ARMC6: variants seen among roughly 807,000 people sequenced by gnomAD.
ARMC6 encodes armadillo repeat-containing protein 6.
Under a neutral mutation model 49.2 loss-of-function variants are expected in ARMC6, and 43 were observed. The ratio of observed to expected loss-of-function variants is 0.87; its 90% CI spans 0.69 to 1.13. The LOEUF (loss-of-function observed/expected upper bound fraction) is 1.13. Among genes scored for constraint, ARMC6 ranks in the 50% most tolerant of loss-of-function variants. ARMC6 has a pLI of 0.00. For missense variants in ARMC6, 627 were observed against 682.0 expected (o/e 0.92, Z 0.90); for synonymous variants, 262 against 289.6 (o/e 0.90, Z 0.97).
In ARMC6 at chr19:19,055,989, G is replaced by C. The variant is rs1167543344; in HGVS notation, c.1293+61G>C. On this transcript the variant is annotated intron_variant, in intron 8 of 8. Transcript: ENST00000535612. This position sits in a 1 kb window ranked among gnomAD's most constrained non-coding sequence, Gnocchi z 5.7. ...TGTGGGATGTGCAGGTAGGTGCAGAGAGGGCATGGGAGCAGGTGCGGTGTG... is the reference window on the plus strand; with the variant it reads ...TGTGGGATGTGCAGGTAGGTGCAGACAGGGCATGGGAGCAGGTGCGGTGTG... 1.3e-6 allele frequency: 2 copies of C among 1,541,938 alleles called. No individual in the cohort carries two copies. Among genetic ancestry groups the C allele is most frequent in the Non-Finnish European group, 1.7e-6 (2 of 1,144,686 alleles).
chr19:19,047,533 G>C (rs996723310), intron 4 of ARMC6, among the ~76,000 whole-genome samples: 2 of 152,172 alleles, frequency 1.3e-5, no homozygotes, highest in East Asian at 3.9e-4. Flanking sequence ...TAGAATGAAA[G>C]GCATTAGTCA....
At position 19,042,701 on chromosome 19, in the gene ARMC6, A is replaced by G. The variant is rs747163368; in HGVS notation, c.30-10A>G. Reference sequence around the variant, plus strand: ...CTTGAGGTAGCTCTCTCTTTGCCCTAACCTCTCAGCTCAGGAGCATCTATC... The same window carrying G: ...CTTGAGGTAGCTCTCTCTTTGCCCTGACCTCTCAGCTCAGGAGCATCTATC... On this transcript the variant is annotated splice_polypyrimidine_tract_variant and intron_variant, in intron 2 of 8. Coordinates refer to ENST00000535612, the MANE Select transcript of ARMC6 (RefSeq NM_001199196.2). The G allele has an allele frequency of 6.2e-7, 1 of 1,611,762 alleles. No individual in the cohort carries two copies. The highest frequency in any genetic ancestry group is 8.5e-7 in the Non-Finnish European group (1 of 1,179,976).
chr19:19,050,414 G>C (rs190598995), intron 4 of ARMC6, among the ~76,000 whole-genome samples: 2 of 152,156 alleles, frequency 1.3e-5, no homozygotes, highest in African/African-American at 4.8e-5. Context: ...TGAATGCTCC[G>C]TATGTTGCCC....
chr19:19,055,213 C>T lies in ARMC6; in HGVS notation c.1024-52C>T. ...GCCCCACATTCTCCCTCAGAGCCCT[C>T]TCCCACAACCAGCGGCCTGGCTGGA... On this transcript the variant is annotated intron_variant, in intron 6 of 8. Coordinates refer to ENST00000535612, the MANE Select transcript of ARMC6 (RefSeq NM_001199196.2). This position sits in a 1 kb window ranked among gnomAD's most constrained non-coding sequence, Gnocchi z 5.7. 1 of 1,530,346 alleles carries T rather than the reference C, an allele frequency of 6.5e-7. No homozygotes were observed. The highest frequency in any genetic ancestry group is 8.8e-7 in the Non-Finnish European group (1 of 1,139,326). The allele number at this position is 1,530,346 out of a possible 1,614,324, so 94.8% of individuals were successfully genotyped here.
At chr19:19,057,389 G>T (rs2059553254) in intron 8 of ARMC6, 27 bp from the exon 9 acceptor site, 2 of 1,599,088 alleles carry the variant, frequency 1.3e-6, no homozygotes, top group South Asian at 1.1e-5. Flanking sequence ...GCCCCATCTG[G>T]CAGCTCACAG....
intron 2 of ARMC6, among the ~76,000 whole-genome samples, chr19:19,040,487 G>T (rs2059403639): frequency 6.6e-6 from 1 of 152,034 alleles, no homozygotes; most frequent in Admixed American, 6.6e-5. Context: ...CGTTGGCCAG[G>T]CTGGTCTTGA....
intron 3 of ARMC6, 26 bp downstream of exon 3, chr19:19,042,903 C>T: frequency 1.2e-6 from 2 of 1,611,922 alleles, no homozygotes; most frequent in Non-Finnish European, 1.7e-6. Context: ...TGTCACCTAC[C>T]ATCCTTGGCT....
chr19:19,056,938 T>C (rs1005955632), intron 8 of ARMC6, among the ~76,000 whole-genome samples: 1 of 152,236 alleles, frequency 6.6e-6, no homozygotes, highest in African/African-American at 2.4e-5. Context: ...CCTGCTGTCC[T>C]GCTGGTGGTG....
chr19:19,033,604 C>A lies in ARMC6; in HGVS notation c.-406C>A. 1 of 1,181,044 alleles carries A rather than the reference C, an allele frequency of 8.5e-7. No homozygotes were observed. Among genetic ancestry groups the A allele is most frequent in the Non-Finnish European group, 1.0e-6 (1 of 956,052 alleles). 73.2% of individuals were successfully genotyped at this position (1,181,044 alleles called of 1,614,324 possible). On this transcript the variant is annotated 5_prime_UTR_variant, in exon 1 of 9. Transcript: ENST00000535612. ...CCTGGTGCGCAGGCGCGGGCCGCCG[C>A]GGCCCGGCTCTCTTGCGCAAGCGCG...
At chr19:19,048,749 C>A (rs948171692) in intron 4 of ARMC6, among the ~76,000 whole-genome samples, 4 of 152,164 alleles carry the variant, frequency 2.6e-5, no homozygotes, top group Admixed American at 1.3e-4. Context: ...GAAAGGGAAT[C>A]TCTGTAGAAT....
chr19:19,045,493 C>CTTTTTTTTTTTCTTTTTTTTT (rs11270900), intron 4 of ARMC6, among the ~76,000 whole-genome samples: 1 of 89,118 alleles, frequency 1.1e-5, no homozygotes, highest in Non-Finnish European at 2.0e-5. Flanking sequence ...ATGCTAAATT[C>CTTTTTTTTTTTCTTTTTTTTT]TTTTTTTTTT....
chr19:19,042,868 G>T lies in ARMC6; in HGVS notation c.187G>T (p.Glu63Ter). 1 of 1,613,766 alleles carries T rather than the reference G, an allele frequency of 6.2e-7. No individual in the cohort carries two copies. Among genetic ancestry groups the T allele is most frequent in the South Asian group, 1.1e-5 (1 of 91,068 alleles). Residue 63 changes from glutamate (E) to a stop codon, truncating the protein, a stop_gained, in exon 3 of 9, where the codon GAA becomes TAA. Transcript: ENST00000535612. LOFTEE classifies it high-confidence loss of function. ...AGTGAAAGAGGCCGTGGAGCAGTTT[G>T]AATCGCAAGGTAGGGTGGTGTGACT... is the stretch of plus-strand genomic sequence containing the variant. The part of the protein sequence containing the change: ...EAVKEAVEQF[E>*]SQGVDLSNIV...
At chr19:19,051,021 G>C (rs1230789994) in intron 4 of ARMC6, among the ~76,000 whole-genome samples, 1 of 152,234 alleles carries the variant, frequency 6.6e-6, no homozygotes. Flanking sequence ...TCTGCTCTCT[G>C]TACAGTGTAA....
At chr19:19,057,355 G>A (rs2059553002) in intron 8 of ARMC6, 61 bp from the exon 9 acceptor site, 1 of 1,439,942 alleles carries the variant, frequency 6.9e-7, no homozygotes, top group Admixed American at 1.8e-5. Context: ...AAGACCCTGA[G>A]GTCAGAGTGG....
Position 19,048,378 on chromosome 19 carries a change from C to T in ARMC6, c.280-3244C>T, listed in dbSNP as rs559972452. ...ACAAAAAACAAAAAACAAAAATTAGCTGGGCATGGTAGTGGGTGCTTATAA... is the reference window on the plus strand; with the variant it reads ...ACAAAAAACAAAAAACAAAAATTAGTTGGGCATGGTAGTGGGTGCTTATAA... On this transcript the variant is annotated intron_variant, in intron 4 of 8. Coordinates refer to ENST00000535612, the MANE Select transcript of ARMC6 (RefSeq NM_001199196.2). Among the ~76,000 whole-genome samples, 4 of 151,978 alleles carry T rather than the reference C, an allele frequency of 2.6e-5. No homozygotes were observed. The East Asian group carries it at 7.7e-4, about 29-fold the overall frequency.
At chr19:19,045,819 T>A (rs1007465060) in intron 4 of ARMC6, among the ~76,000 whole-genome samples, 2 of 151,938 alleles carry the variant, frequency 1.3e-5, no homozygotes, top group Non-Finnish European at 2.9e-5. Context: ...GCCTGGCTAA[T>A]TTTTTGTATT....
intron 3 of ARMC6, 128 bp downstream of exon 3, chr19:19,043,005 G>A: frequency 8.5e-7 from 1 of 1,177,702 alleles, no homozygotes; most frequent in Non-Finnish European, 1.2e-6. Context: ...ATTGGGCCCT[G>A]TCCCCTCCAG....
rs1197556583 is a variant in ARMC6 at position 19,033,834 on chromosome 19, A to G, written c.-176A>G. The G allele has an allele frequency of 2.6e-5, 7 of 273,730 alleles. No homozygotes were observed. In the South Asian group the frequency reaches 4.2e-4, roughly 17 times the overall value. The allele number at this position is 273,730 out of a possible 1,614,324, so 17.0% of individuals were successfully genotyped here. On this transcript the variant is annotated 5_prime_UTR_variant, in exon 1 of 9. Transcript: ENST00000535612. ...GGGAGGCCAAGCCTAGGGGCGCCAC[A>G]GCGCCTGCGCGCGTACGGCGGCCGG...
chr19:19,041,906 A>G (rs1034674219), intron 2 of ARMC6, among the ~76,000 whole-genome samples: 4 of 151,838 alleles, frequency 2.6e-5, no homozygotes, highest in Non-Finnish European at 5.9e-5. Context: ...GTACGATGTT[A>G]GAATCTTTTT....
Sources: gnomAD v4.1 joint callset for allele counts (sites outside exome capture counted in the v4.1 genomes callset) on GRCh38, gnomAD v4.1.1 for gene constraint, Gnocchi (gnomAD v3.1) non-coding constraint, MANE v1.5 for transcripts, NCBI Gene and HGNC (gene_info 2026-07-23, HGNC 2026-07-21) for gene names.